DCTN1: variants seen among roughly 807,000 people sequenced by gnomAD.
DCTN1 encodes dynactin subunit 1, also known as 150 kDa dynein-associated polypeptide.
DCTN1 carries 61 observed loss-of-function variants against 161.2 expected under a neutral mutation model. The ratio of observed to expected loss-of-function variants is 0.38; its 90% CI spans 0.31 to 0.47. The LOEUF is 0.47. Among genes scored for constraint, DCTN1 ranks in the 20% least tolerant of loss-of-function variants. DCTN1 has a pLI of 0.99. For synonymous variants in DCTN1, 653 were observed against 632.4 expected, an observed-to-expected ratio of 1.03 and a Z score of -0.49; for missense variants, 1,404 against 1,623.7, an observed-to-expected ratio of 0.86 and a Z score of 2.33.
intron 7 of DCTN1, among the ~76,000 whole-genome samples, chr2:74,372,519 A>G (rs1213374922): frequency 6.6e-6 from 1 of 152,240 alleles, no homozygotes; most frequent in African/African-American, 2.4e-5. Flanking sequence ...TGACACTCAG[A>G]GATCATGTGC....
chr2:74,388,080 C>T (rs1170915463), intron 1 of DCTN1, among the ~76,000 whole-genome samples: 1 of 152,078 alleles, frequency 6.6e-6, no homozygotes, highest in East Asian at 1.9e-4. Context: ...ACCAGTTACT[C>T]AGGAGGCTAA....
rs1674561364 is a variant in DCTN1 at position 74,368,113 on chromosome 2, G to A, written c.1873C>T (p.Gln625Ter). ...LICKAELIRK[Q>*]AQEKFELSEN... is the part of the protein sequence containing the mutation. ...CTTAGTTCAAACTTCTCCTGGGCCT[G>A]CTTCCGGATCAGCTCTGCCTGTGGG... Residue 625 changes from glutamine to a stop codon, truncating the protein, a stop_gained, in exon 17 of 32, where the codon CAG (glutamine) becomes TAG (stop). Transcript: ENST00000628224. LOFTEE classifies it high-confidence loss of function. The A allele has an allele frequency of 1.3e-6, 2 of 1,593,474 alleles. No homozygotes were observed. Among genetic ancestry groups the A allele is most frequent in the Non-Finnish European group, 1.7e-6 (2 of 1,169,462 alleles).
rs1211714144 is a variant in DCTN1, at chr2:74,363,143, G to T, written c.3380C>A (p.Pro1127His). Residue 1127 changes from proline (P) to histidine (H), a missense_variant, in exon 29 of 32, where the codon CCC (proline) becomes CAC (histidine). By Grantham distance (77) the Pro-to-His change is moderately conservative. This residue lies in a region of DCTN1 where 311 missense variants were observed against 298.9 expected (regional missense o/e 1.04). Coordinates refer to ENST00000628224, the MANE Select transcript of DCTN1 (RefSeq NM_004082.5). ...GGATAGCTTTGCAACATGCAGAGGG[G>T]GCAGGGATGCCAAGGATGCCTTCAT... Reference protein sequence around the residue: ...AQMKASLASLPPLHVAKLSHE... With the variant: ...AQMKASLASLHPLHVAKLSHE... 1.2e-6 allele frequency: 2 copies of T among 1,614,034 alleles called. No homozygotes were observed. The highest frequency in any genetic ancestry group is 1.7e-5 in the Admixed American group (1 of 60,004).
At chr2:74,381,497 C>A (rs1675508047), upstream of DCTN1, among the ~76,000 whole-genome samples, 1 of 152,212 alleles carries the variant, frequency 6.6e-6, no homozygotes, top group Non-Finnish European at 1.5e-5. Context: ...AGGAAATAAT[C>A]TCTCTCCTCC....
chr2:74,377,943 T>TGCACATGCGACAGACATGTGC (rs1675319931), intron 2 of DCTN1, 57 bp downstream of exon 2: 9 of 1,609,776 alleles, frequency 5.6e-6, no homozygotes, highest in Non-Finnish European at 7.6e-6. Flanking sequence ...ACACATCAGC[T>TGCACATGCGACAGACATGTGC]GCACATGCGA....
At position 74,368,092 on chromosome 2, in the gene DCTN1, G is replaced by A. The variant is rs567704782; in HGVS notation, c.1894C>T (p.Leu632=). The change falls in exon 17 of 32, where the codon CTA becomes TTA. Residue 632 remains leucine (L), a synonymous_variant. Transcript: ENST00000628224. ...IRKQAQEKFE[L]SENCSERPGL... ...GGCCGCTCTGAACAGTTCTCACTTAGTTCAAACTTCTCCTGGGCCTGCTTC... is the reference window on the plus strand; with the variant it reads ...GGCCGCTCTGAACAGTTCTCACTTAATTCAAACTTCTCCTGGGCCTGCTTC... 1 of 1,605,140 alleles carries A rather than the reference G, an allele frequency of 6.2e-7. No homozygotes were observed. The highest frequency in any genetic ancestry group is 1.7e-5 in the Admixed American group (1 of 58,714).
upstream of DCTN1, chr2:74,383,730 T>C (rs999812241): frequency 9.8e-5 from 15 of 152,360 alleles, no homozygotes; most frequent in African/African-American, 3.4e-4. Context: ...CTACATGGGC[T>C]CTGGAGACAG....
chr2:74,368,682 G>C (rs1385116782), intron 16 of DCTN1, 46 bp downstream of exon 16: 3 of 1,613,782 alleles, frequency 1.9e-6, no homozygotes, highest in Middle Eastern at 1.6e-4. Flanking sequence ...CTGGTTCATG[G>C]CAAGTTCACT....
Position 74,365,060 on chromosome 2 carries a change from T to A in DCTN1, c.3196+15A>T. On this transcript the variant is annotated intron_variant, in intron 26 of 31. Coordinates refer to ENST00000628224, the MANE Select transcript of DCTN1 (RefSeq NM_004082.5). ...ATCTCCTCTGTGCTAGTGCTGCCTA[T>A]TCCACAGTACTCACCACCAGCAATG... The A allele has an allele frequency of 6.2e-7, 1 of 1,613,912 alleles. No homozygotes were observed. Among genetic ancestry groups the A allele is most frequent in the East Asian group, 2.2e-5 (1 of 44,854 alleles).
upstream of DCTN1, chr2:74,380,349 A>AG: frequency 1.9e-6 from 1 of 535,222 alleles, no homozygotes. Flanking sequence ...GAACCGTGCT[A>AG]GCCTCTGGGT....
intron 25 of DCTN1, 109 bp from the exon 26 acceptor site, chr2:74,365,350 G>A: frequency 6.4e-7 from 1 of 1,558,260 alleles, no homozygotes; most frequent in Non-Finnish European, 8.7e-7. Flanking sequence ...AGCCAGGGCA[G>A]AGCAGCACAG....
At position 74,370,404 on chromosome 2, in the gene DCTN1, G is replaced by A; in HGVS notation, c.1128-59C>T. 6.2e-7 allele frequency: 1 copy of A among 1,613,948 alleles called. No homozygotes were observed. Among genetic ancestry groups the A allele is most frequent in the Non-Finnish European group, 8.5e-7 (1 of 1,179,928 alleles). ...GCACGTGTCAGAGTCTCTGGCGATG[G>A]GTGCTCTAACACATTTGGAGACACA... On this transcript the variant is annotated intron_variant, in intron 11 of 31. Transcript: ENST00000628224. This position sits in a 1 kb window ranked among gnomAD's most constrained non-coding sequence, Gnocchi z 4.4.
chr2:74,366,218 A>G (rs1411985415), intron 23 of DCTN1, 26 bp downstream of exon 23: 5 of 1,613,818 alleles, frequency 3.1e-6, no homozygotes, highest in Non-Finnish European at 3.4e-6. Flanking sequence ...GGCCTCTGCA[A>G]CTTCTCCAAG....
At position 74,370,530 on chromosome 2, in the gene DCTN1, C is replaced by T. The variant is rs758821541; in HGVS notation, c.1063G>A (p.Ala355Thr). 6.2e-7 allele frequency: 1 copy of T among 1,614,154 alleles called. No homozygotes were observed. The highest frequency in any genetic ancestry group is 1.1e-5 in the South Asian group (1 of 91,082). ...AGCTGCTTGAGCTGATAACTGGATGCAGCGCCATCTGAGCCTGGAGAAGAT... is the reference window on the plus strand; with the variant it reads ...AGCTGCTTGAGCTGATAACTGGATGTAGCGCCATCTGAGCCTGGAGAAGAT... ...EIEEKGSDGAASSYQLKQLEE... is the reference protein window; with the variant it reads ...EIEEKGSDGATSSYQLKQLEE... Residue 355 changes from alanine (A) to threonine (T), a missense_variant, in exon 11 of 32, where the codon GCA becomes ACA. By Grantham distance (58) the Ala-to-Thr change is moderately conservative. Transcript: ENST00000628224. This position sits in a 1 kb window ranked among gnomAD's most constrained non-coding sequence, Gnocchi z 4.4.
At chr2:74,373,118 G>C (rs1674990376) in intron 6 of DCTN1, 170 bp from the exon 7 acceptor site, 5 of 695,290 alleles carry the variant, frequency 7.2e-6, no homozygotes, top group Non-Finnish European at 1.3e-5. Flanking sequence ...GTGAATCACT[G>C]TATTCCTACT....
chr2:74,391,840 C>A (rs763448858), exon 1 of DCTN1: 4 of 453,826 alleles, frequency 8.8e-6, no homozygotes, highest in Admixed American at 4.7e-5. Flanking sequence ...CACCGACGAC[C>A]GACGCCCAAG....
Position 74,366,937 on chromosome 2 carries a change from T to G in DCTN1, c.2317-5A>C. ...ATCTGTAGCCTCCTGCCCACCCTAC[T>G]CAGGAAAAAGAAAATGGATGGAGAA... On this transcript the variant is annotated splice_region_variant and splice_polypyrimidine_tract_variant and intron_variant, in intron 20 of 31. Coordinates refer to ENST00000628224, the MANE Select transcript of DCTN1 (RefSeq NM_004082.5). The G allele has an allele frequency of 6.2e-7, 1 of 1,613,870 alleles. No homozygotes were observed. Among genetic ancestry groups the G allele is most frequent in the Non-Finnish European group, 8.5e-7 (1 of 1,179,956 alleles).
chr2:74,365,319 G>A (rs1389105033), intron 25 of DCTN1, 78 bp from the exon 26 acceptor site: 2 of 1,587,602 alleles, frequency 1.3e-6, no homozygotes, highest in Non-Finnish European at 1.7e-6. Context: ...AGAGGTCCTT[G>A]GAATAGCCCT....
intron 6 of DCTN1, chr2:74,373,461 G>T: frequency 9.5e-6 from 2 of 209,954 alleles, no homozygotes; most frequent in South Asian, 1.7e-4. Flanking sequence ...GGGAGATCAG[G>T]TCCCTAGGGT....
Sources: gnomAD v4.1 joint callset for allele counts (sites outside exome capture counted in the v4.1 genomes callset) on GRCh38, gnomAD v4.1.1 for gene constraint, gnomAD v4.1.1 regional missense constraint, Gnocchi (gnomAD v3.1) non-coding constraint, MANE v1.5 for transcripts, NCBI Gene and HGNC (gene_info 2026-07-23, HGNC 2026-07-21) for gene names.